DLEU7: variants seen among roughly 807,000 people sequenced by gnomAD.
DLEU7 encodes the protein deleted in lymphocytic leukemia 7.
A neutral mutation model predicts 16.0 loss-of-function variants in DLEU7; 17 were observed. The ratio of observed to expected loss-of-function variants is 1.06; its 90% CI spans 0.73 to 1.59. The LOEUF is 1.59. Among genes scored for constraint, DLEU7 ranks in the 40% most tolerant of loss-of-function variants. The pLI, the probability that DLEU7 is intolerant of heterozygous loss-of-function variation, is 0.00. For missense variants in DLEU7, 308 were observed against 314.9 expected (o/e 0.98, Z 0.17); for synonymous variants, 113 against 139.8 (o/e 0.81, Z 1.35).
At chr13:50,809,437 T>C (rs2137788536) in intron 1 of DLEU7, among the ~76,000 whole-genome samples, 1 of 152,256 alleles carries the variant, frequency 6.6e-6, no homozygotes, top group Admixed American at 6.5e-5. Context: ...ACGCCGGACA[T>C]AATGGCCCCA....
chr13:50,818,702 A>G (rs1440939958), downstream of DLEU7: 1 of 152,160 alleles, frequency 6.6e-6, no homozygotes, highest in Non-Finnish European at 1.5e-5. Flanking sequence ...CCAAATCAAG[A>G]TGGCCCCAGT....
intron 1 of DLEU7, among the ~76,000 whole-genome samples, chr13:50,713,692 C>A (rs990526060): frequency 6.6e-6 from 1 of 152,076 alleles, no homozygotes; most frequent in Non-Finnish European, 1.5e-5. Flanking sequence ...TTGTTCCTGG[C>A]GTCATAAGCC....
chr13:50,779,386 GTTA>G (rs1875591669), intron 1 of DLEU7, among the ~76,000 whole-genome samples: 1 of 152,222 alleles, frequency 6.6e-6, no homozygotes, highest in African/African-American at 2.4e-5. Flanking sequence ...AAGGGAATTC[GTTA>G]TTATTATTAT....
In DLEU7 at chr13:50,843,689, C is replaced by T; in HGVS notation, c.-43G>A. 8 of 1,489,798 alleles carry T rather than the reference C, an allele frequency of 5.4e-6. No individual in the cohort carries two copies. The highest frequency in any genetic ancestry group is 7.1e-6 in the Non-Finnish European group (8 of 1,128,812). The allele number at this position is 1,489,798 out of a possible 1,614,324, so 92.3% of individuals were successfully genotyped here. On this transcript the variant is annotated 5_prime_UTR_variant, in exon 1 of 2. Transcript: ENST00000504404. This position sits in a 1 kb window ranked among gnomAD's most constrained non-coding sequence, Gnocchi z 5.7. ...CGGCGCGCTCCGCGTGCAGGTGGAGCAGCAGCGAGGGAGGCGGGGGCGTTG... is the reference window on the plus strand; with the variant it reads ...CGGCGCGCTCCGCGTGCAGGTGGAGTAGCAGCGAGGGAGGCGGGGGCGTTG...
At chr13:50,797,927 G>T (rs1396975436) in intron 1 of DLEU7, among the ~76,000 whole-genome samples, 2 of 152,172 alleles carry the variant, frequency 1.3e-5, no homozygotes, top group Admixed American at 1.3e-4. Context: ...AGCAAAAGTT[G>T]ATTTAGCCCC....
At chr13:50,805,207 G>T (rs9535484) in intron 1 of DLEU7, among the ~76,000 whole-genome samples, 22,984 of 152,070 alleles carry the variant, frequency 0.15, 3,228 homozygotes, top group African/African-American at 0.37. Context: ...ACTAGGTTAA[G>T]GAAGTATCTA....
intron 1 of DLEU7, among the ~76,000 whole-genome samples, chr13:50,779,648 G>A (rs886917355): frequency 6.6e-6 from 1 of 152,120 alleles, no homozygotes. Context: ...CCTTCTGGAT[G>A]TGCTGACTTC....
At chr13:50,754,623 A>G (rs1279242426) in intron 1 of DLEU7, among the ~76,000 whole-genome samples, 1 of 152,196 alleles carries the variant, frequency 6.6e-6, no homozygotes, top group Non-Finnish European at 1.5e-5. Flanking sequence ...GTTCTTATCT[A>G]TTCTGCAGTT....
At chr13:50,812,300 G>A (rs1247329513) in intron 1 of DLEU7, among the ~76,000 whole-genome samples, 2 of 152,234 alleles carry the variant, frequency 1.3e-5, no homozygotes, top group Non-Finnish European at 1.5e-5. Flanking sequence ...AGGGGCCCCC[G>A]TGGACACTGC....
rs552511911 is a variant in DLEU7 at position 50,750,042 on chromosome 13, A to G, written c.460-36802T>C. Among the ~76,000 whole-genome samples, 10 of 152,254 alleles carry G rather than the reference A, an allele frequency of 6.6e-5. No individual in the cohort carries two copies. In the South Asian group the frequency reaches 1.9e-3, roughly 28 times the overall value. The stretch of plus-strand genomic sequence containing the variant: ...TGTCTAAAAGGGTTTTTTCAGTGTT[A>G]TCTTCTAGAATTTTTATAGTTTCAG... On this transcript the variant is annotated intron_variant, in intron 1 of 1. Transcript: ENST00000400393.
At chr13:50,809,557 C>T (rs997830303) in intron 1 of DLEU7, among the ~76,000 whole-genome samples, 6 of 152,188 alleles carry the variant, frequency 3.9e-5, no homozygotes, top group South Asian at 2.1e-4. Flanking sequence ...AGAGTTTGTT[C>T]TGGATCTCTG....
chr13:50,713,495 T>C (rs184573586), intron 1 of DLEU7, among the ~76,000 whole-genome samples: 1 of 152,328 alleles, frequency 6.6e-6, no homozygotes, highest in African/African-American at 2.4e-5. Context: ...TTATACTTTA[T>C]ATTAATCTTT....
chr13:50,819,419 T>C (rs999095547), downstream of DLEU7, among the ~76,000 whole-genome samples: 1 of 152,140 alleles, frequency 6.6e-6, no homozygotes, highest in African/African-American at 2.4e-5. Flanking sequence ...AGAGACATAA[T>C]TGATCTAACG....
intron 1 of DLEU7, among the ~76,000 whole-genome samples, chr13:50,786,184 A>G (rs1197341931): frequency 3.9e-5 from 6 of 152,092 alleles, no homozygotes; most frequent in Non-Finnish European, 8.8e-5. Flanking sequence ...ATGGGCCTGA[A>G]CCCCATCATC....
chr13:50,800,009 G>A (rs915419984), intron 1 of DLEU7, among the ~76,000 whole-genome samples: 1 of 152,218 alleles, frequency 6.6e-6, no homozygotes, highest in African/African-American at 2.4e-5. Flanking sequence ...AATTTTGCCT[G>A]TGAAGAAAGA....
At chr13:50,720,684 A>T (rs543222788) in intron 1 of DLEU7, among the ~76,000 whole-genome samples, 1 of 152,336 alleles carries the variant, frequency 6.6e-6, no homozygotes, top group South Asian at 2.1e-4. Context: ...TTATTTCTTA[A>T]CAGAGAGGAA....
chr13:50,749,542 G>C (rs1331870523), intron 1 of DLEU7, among the ~76,000 whole-genome samples: 1 of 152,132 alleles, frequency 6.6e-6, no homozygotes, highest in East Asian at 1.9e-4. Flanking sequence ...GTACTAGTTT[G>C]CATTCCTACC....
intron 1 of DLEU7, among the ~76,000 whole-genome samples, chr13:50,813,536 C>A (rs181420835): frequency 6.6e-5 from 10 of 151,888 alleles, no homozygotes; most frequent in Admixed American, 3.3e-4. Flanking sequence ...AGATTTTTTC[C>A]ATAAAAGCAT....
At chr13:50,753,404 G>T (rs193115870) in intron 1 of DLEU7, among the ~76,000 whole-genome samples, 8 of 152,344 alleles carry the variant, frequency 5.3e-5, no homozygotes, top group South Asian at 2.1e-4. Flanking sequence ...GCACACGGAG[G>T]GGGTGGGAGG....
Sources: allele counts gnomAD v4.1 joint callset (sites outside exome capture counted in the v4.1 genomes callset), GRCh38; gene constraint gnomAD v4.1.1; non-coding constraint Gnocchi (gnomAD v3.1); transcripts MANE v1.5; gene names NCBI Gene and HGNC (gene_info 2026-07-23, HGNC 2026-07-21).